TEX9: variants seen among roughly 807,000 people sequenced by gnomAD.
TEX9 encodes testis expressed 9, also known as testis-expressed protein 9.
In TEX9, 74 loss-of-function variants were observed where a neutral mutation model predicts 59.6. The observed-to-expected ratio is 1.24, with a 90% CI of 1.03 to 1.51. The LOEUF is 1.51. Ranked by LOEUF, TEX9 falls within the 40% of genes most tolerant of loss-of-function variation. TEX9 has a pLI of 0.00. For synonymous variants in TEX9, 186 were observed against 152.2 expected, an observed-to-expected ratio of 1.22 and a Z score of -1.64; for missense variants, 522 against 447.8, an observed-to-expected ratio of 1.17 and a Z score of -1.49.
At chr15:56,288,230 G>A (rs542714700) in intron 1 of TEX9, among the ~76,000 whole-genome samples, 1 of 152,034 alleles carries the variant, frequency 6.6e-6, no homozygotes, top group Non-Finnish European at 1.5e-5. Flanking sequence ...AGAGGTGTGA[G>A]GTGATACCTC....
At chr15:56,269,239 G>A (rs1223592297) in intron 1 of TEX9, among the ~76,000 whole-genome samples, 1 of 151,834 alleles carries the variant, frequency 6.6e-6, no homozygotes, top group Non-Finnish European at 1.5e-5. Flanking sequence ...TCTTGCTAGC[G>A]GTCTATCAAT....
chr15:56,399,591 G>A (rs1255458028), intron 9 of TEX9, among the ~76,000 whole-genome samples: 1 of 152,238 alleles, frequency 6.6e-6, no homozygotes, highest in Non-Finnish European at 1.5e-5. Flanking sequence ...CTGTCTGACA[G>A]GTCTGAAGGG....
At chr15:56,425,639 C>A (rs1806586346) in intron 10 of TEX9, among the ~76,000 whole-genome samples, 1 of 152,058 alleles carries the variant, frequency 6.6e-6, no homozygotes, top group Non-Finnish European at 1.5e-5. Context: ...TCAATATTCT[C>A]CTTCAGCTCA....
At chr15:56,303,677 A>G (rs535976098) in intron 1 of TEX9, among the ~76,000 whole-genome samples, 5 of 152,286 alleles carry the variant, frequency 3.3e-5, no homozygotes, top group African/African-American at 9.6e-5. Context: ...GCAGAAATAC[A>G]TGAAATGGAA....
intron 12 of TEX9, chr15:56,429,045 G>C (rs2050469534): frequency 1.8e-6 from 2 of 1,121,692 alleles, no homozygotes; most frequent in Non-Finnish European, 2.6e-6. Flanking sequence ...CAAAAGTTAT[G>C]CTGACATCTA....
intron 2 of TEX9, among the ~76,000 whole-genome samples, chr15:56,369,218 T>C (rs895011493): frequency 6.6e-6 from 1 of 152,164 alleles, no homozygotes; most frequent in Non-Finnish European, 1.5e-5. Flanking sequence ...TGTGACAAGG[T>C]CTTGCTCTGA....
intron 1 of TEX9, among the ~76,000 whole-genome samples, chr15:56,252,199 T>A (rs1157041968): frequency 6.6e-6 from 1 of 151,946 alleles, no homozygotes; most frequent in Non-Finnish European, 1.5e-5. Context: ...GTAGGCTAAT[T>A]GTAGGTTTGT....
intron 7 of TEX9, chr15:56,393,807 C>G (rs1404932851): frequency 5.7e-6 from 1 of 173,986 alleles, no homozygotes; most frequent in Admixed American, 6.4e-5. Flanking sequence ...ACAGTGGCTG[C>G]ACTGAAGCTG....
chr15:56,290,502 A>G (rs1374494981), intron 1 of TEX9, among the ~76,000 whole-genome samples: 1 of 152,080 alleles, frequency 6.6e-6, no homozygotes, highest in African/African-American at 2.4e-5. Context: ...AGGCTGAAGT[A>G]TAGTGGTGCA....
intron 1 of TEX9, among the ~76,000 whole-genome samples, chr15:56,309,092 G>C (rs1012344019): frequency 9.2e-5 from 14 of 152,100 alleles, no homozygotes; most frequent in African/African-American, 3.1e-4. Flanking sequence ...ATGCTAGCTG[G>C]AATTCTGATA....
exon 11 of TEX9, chr15:56,427,609 T>G (rs546092222): frequency 1.3e-6 from 2 of 1,525,936 alleles, no homozygotes; most frequent in South Asian, 1.3e-5. Flanking sequence ...GTGTAGGACA[T>G]AGCAAATGAA....
chr15:56,271,794 A>T (rs539183925), intron 1 of TEX9, among the ~76,000 whole-genome samples: 44 of 152,216 alleles, frequency 2.9e-4, no homozygotes, highest in Admixed American at 2.8e-3. Context: ...CTTTTTAATT[A>T]TTAAAATTTA....
intron 1 of TEX9, among the ~76,000 whole-genome samples, chr15:56,287,516 A>G (rs1034511911): frequency 1.3e-5 from 2 of 152,212 alleles, no homozygotes; most frequent in Non-Finnish European, 2.9e-5. Flanking sequence ...GTAGTACCTC[A>G]TATAATTATT....
intron 10 of TEX9, among the ~76,000 whole-genome samples, chr15:56,416,745 C>T (rs1287859847): frequency 6.6e-6 from 1 of 151,760 alleles, no homozygotes; most frequent in Non-Finnish European, 1.5e-5. Context: ...GGGAGGAGTC[C>T]CTCCTCAGTT....
At chr15:56,358,305 C>T (rs1310602547) in intron 1 of TEX9, among the ~76,000 whole-genome samples, 1 of 151,252 alleles carries the variant, frequency 6.6e-6, no homozygotes, top group African/African-American at 2.4e-5. Context: ...GGAAATTTCT[C>T]CTACTTTCTT....
chr15:56,384,362 G>A (rs1366302294), intron 4 of TEX9, among the ~76,000 whole-genome samples: 1 of 152,096 alleles, frequency 6.6e-6, no homozygotes, highest in Non-Finnish European at 1.5e-5. Flanking sequence ...AGTTGTCATT[G>A]GGCTATGAAC....
At chr15:56,318,171 T>C (rs1348316822) in intron 1 of TEX9, among the ~76,000 whole-genome samples, 1 of 152,134 alleles carries the variant, frequency 6.6e-6, no homozygotes, top group Non-Finnish European at 1.5e-5. Context: ...TAGGTGCATA[T>C]ATATTTGTAA....
chr15:56,321,341 G>C (rs555475114), intron 1 of TEX9, among the ~76,000 whole-genome samples: 5 of 152,312 alleles, frequency 3.3e-5, no homozygotes, highest in African/African-American at 1.2e-4. Flanking sequence ...TCCTGAGTGA[G>C]GGAGCAGACT....
At chr15:56,328,076 C>T (rs139369224) in intron 1 of TEX9, among the ~76,000 whole-genome samples, 1 of 151,846 alleles carries the variant, frequency 6.6e-6, no homozygotes, top group Non-Finnish European at 1.5e-5. Flanking sequence ...TCCAAAATAG[C>T]CCCGCTTCCT....
Sources: gnomAD v4.1 joint callset for allele counts (sites outside exome capture counted in the v4.1 genomes callset) on GRCh38, gnomAD v4.1.1 for gene constraint, MANE v1.5 for transcripts, NCBI Gene and HGNC (gene_info 2026-07-23, HGNC 2026-07-21) for gene names.